The following CRISP3 variants were observed in gnomAD, a reference collection of about 807,000 sequenced individuals.
CRISP3 encodes the protein cysteine-rich secretory protein 3.
A neutral mutation model predicts 36.1 loss-of-function variants in CRISP3; 33 were observed. The ratio of observed to expected loss-of-function variants is 0.91; its 90% CI spans 0.69 to 1.22. The LOEUF is 1.22. Among genes scored for constraint, CRISP3 ranks in the 50% most tolerant of loss-of-function variants. The pLI is 0.00. For synonymous variants in CRISP3, 117 were observed against 104.6 expected (o/e 1.12, Z -0.72); for missense variants, 330 against 301.2 (o/e 1.10, Z -0.71).
At chr6:49,736,196 A>G (rs983366192) in intron 3 of CRISP3, among the ~76,000 whole-genome samples, 195 bp downstream of exon 3, 1 of 152,188 alleles carries the variant, frequency 6.6e-6, no homozygotes, top group Non-Finnish European at 1.5e-5. Context: ...AAATAGCCCT[A>G]TGAATTTGAC....
At chr6:49,736,247 C>G (rs1769047869) in intron 3 of CRISP3, 144 bp downstream of exon 3, 3 of 626,748 alleles carry the variant, frequency 4.8e-6, no homozygotes, top group Non-Finnish European at 2.8e-6. Flanking sequence ...AAATTCAGCT[C>G]TGCCCATTAC....
Position 49,728,717 on chromosome 6 carries a change from G to C in CRISP3, c.*13C>G. 6.2e-7 allele frequency: 1 copy of C among 1,607,180 alleles called. No individual in the cohort carries two copies. The highest frequency in any genetic ancestry group is 8.5e-7 in the Non-Finnish European group (1 of 1,176,748). ...TCCTCTCTACATAGCCCTACTCGGT[G>C]TGTAATGCGTATTTAATAAATGCTG... On this transcript the variant is annotated 3_prime_UTR_variant, in exon 8 of 8. Transcript: ENST00000263045.
chr6:49,731,320 TCA>T (rs1274301906), intron 6 of CRISP3, 69 bp from the exon 7 acceptor site: 24 of 868,916 alleles, frequency 2.8e-5, no homozygotes, highest in Non-Finnish European at 3.5e-5. Context: ...AAGGTTAGTA[TCA>T]GTCACCAAAT....
At chr6:49,736,566 T>C in intron 2 of CRISP3, 59 bp from the exon 3 acceptor site, 2 of 1,198,574 alleles carry the variant, frequency 1.7e-6, no homozygotes, top group Non-Finnish European at 1.2e-6. Flanking sequence ...CACATAATAG[T>C]AACTATGTTA....
At chr6:49,739,032 T>C (rs1265772592) in intron 1 of CRISP3, among the ~76,000 whole-genome samples, 2 of 151,916 alleles carry the variant, frequency 1.3e-5, no homozygotes, top group East Asian at 1.9e-4. Context: ...AAAAATGATG[T>C]TGCCAGAATG....
intron 5 of CRISP3, 96 bp from the exon 6 acceptor site, chr6:49,733,388 C>A: frequency 1.1e-6 from 1 of 877,948 alleles, no homozygotes; most frequent in Non-Finnish European, 1.8e-6. Context: ...AAGAATGTTA[C>A]CGACATATTT....
chr6:49,733,269 G>A lies in CRISP3; in HGVS notation c.486C>T (p.Leu162=), dbSNP rs370726738. 102 of 1,609,876 alleles carry A rather than the reference G, an allele frequency of 6.3e-5. 1 individual carries two copies. The East Asian group carries it at 1.1e-3, about 18-fold the overall frequency. Residue 162 remains leucine (L), a synonymous_variant, in exon 6 of 8, where the codon CTC becomes CTT. Coordinates refer to ENST00000263045, the MANE Select transcript of CRISP3 (RefSeq NM_006061.4). ...YTQVVWYSSY[L]VGCGNAYCPN... ...GACAGTAGGCATTTCCACATCCAACGAGGTATGAAGAGTACCAAACAACCT... is the reference window on the plus strand; with the variant it reads ...GACAGTAGGCATTTCCACATCCAACAAGGTATGAAGAGTACCAAACAACCT...
intron 6 of CRISP3, among the ~76,000 whole-genome samples, chr6:49,732,676 G>A (rs978742637): frequency 7.9e-5 from 12 of 151,994 alleles, no homozygotes; most frequent in African/African-American, 2.7e-4. Context: ...AATATATTGG[G>A]GATCTCTTAA....
chr6:49,729,255 C>T (rs1269608138), intron 7 of CRISP3, among the ~76,000 whole-genome samples: 1 of 152,060 alleles, frequency 6.6e-6, no homozygotes, highest in Non-Finnish European at 1.5e-5. Context: ...GGTCTTTCCT[C>T]AACAACACCA....
chr6:49,740,574 G>GGT (rs1769173204), intron 1 of CRISP3, among the ~76,000 whole-genome samples: 1 of 103,906 alleles, frequency 9.6e-6, no homozygotes, highest in East Asian at 2.9e-4. Context: ...TGTGTATATG[G>GGT]ATGTGTGTGT....
intron 6 of CRISP3, 124 bp from the exon 7 acceptor site, chr6:49,731,375 T>A (rs1307125108): frequency 2.1e-6 from 1 of 482,778 alleles, no homozygotes; most frequent in East Asian, 3.4e-5. Context: ...TGTCAAATAA[T>A]TAAAAATATA....
intron 5 of CRISP3, 144 bp downstream of exon 5, chr6:49,733,559 A>G: frequency 1.2e-6 from 1 of 805,486 alleles, no homozygotes; most frequent in South Asian, 2.0e-5. Flanking sequence ...GACAGTTCAC[A>G]GCTGAAATAC....
At chr6:49,730,641 T>C (rs764563597) in intron 7 of CRISP3, among the ~76,000 whole-genome samples, 8 of 152,228 alleles carry the variant, frequency 5.3e-5, no homozygotes, top group Non-Finnish European at 1.0e-4. Flanking sequence ...TATGCCAATA[T>C]GTAACATGGA....
In CRISP3 at chr6:49,731,267, A is replaced by T. The variant is rs527428789; in HGVS notation, c.561-16T>A. ...CCAATTACCACTGAAATTTGAAATA[A>T]AAATGTCAAATATTTTTCATTTTTA... is the stretch of plus-strand genomic sequence containing the variant. On this transcript the variant is annotated splice_polypyrimidine_tract_variant and intron_variant, in intron 6 of 7. Transcript: ENST00000263045. The T allele has an allele frequency of 6.5e-7, 1 of 1,528,956 alleles. No homozygotes were observed. The highest frequency in any genetic ancestry group is 9.0e-7 in the Non-Finnish European group (1 of 1,114,888). 94.7% of individuals were successfully genotyped at this position (1,528,956 alleles called of 1,614,324 possible).
At chr6:49,738,554 G>A (rs1028913658) in intron 1 of CRISP3, among the ~76,000 whole-genome samples, 1 of 152,096 alleles carries the variant, frequency 6.6e-6, no homozygotes, top group Non-Finnish European at 1.5e-5. Context: ...TTATTCACTG[G>A]TTCCTCCTGA....
At position 49,728,760 on chromosome 6, in the gene CRISP3, G is replaced by A. The variant is rs488132; in HGVS notation, c.747C>T (p.Ala249=). The change falls in exon 8 of 8, where the codon GCC becomes GCT. Residue 249 remains alanine, a synonymous_variant. Coordinates refer to ENST00000263045, the MANE Select transcript of CRISP3 (RefSeq NM_006061.4). ...KHQLVRDSCK[A]SCNCSNSIY is the part of the protein sequence containing the mutation. ...AAATGCTGTTTGAACAATTGCAGGA[G>A]GCCTTGCAACTGTCCCTGACCAACT... 6.2e-7 allele frequency: 1 copy of A among 1,610,440 alleles called. No individual in the cohort carries two copies. The highest frequency in any genetic ancestry group is 1.3e-5 in the African/African-American group (1 of 74,780).
At chr6:49,735,440 A>G in intron 4 of CRISP3, 64 bp downstream of exon 4, 2 of 1,297,460 alleles carry the variant, frequency 1.5e-6, no homozygotes, top group South Asian at 2.5e-5. Flanking sequence ...TTAATGCAAC[A>G]TCATAACATG....
At chr6:49,735,240 G>C (rs1769012187) in intron 4 of CRISP3, among the ~76,000 whole-genome samples, 1 of 152,096 alleles carries the variant, frequency 6.6e-6, no homozygotes, top group Admixed American at 6.6e-5. Flanking sequence ...AATTGGGAAA[G>C]AGATGATCTG....
Position 49,744,351 on chromosome 6 carries a change from T to C in CRISP3, c.17A>G (p.His6Arg). MKQIL[H>R]PALETTAMTL... ...CTTACCAGTGGTTTCCAGAGCAGGA[T>C]GAAGTATTTGTTTCATCTATTGACA... Residue 6 changes from histidine (H) to arginine (R), a missense_variant, in exon 1 of 8, where the codon CAT becomes CGT. His to Arg is a conservative substitution (Grantham distance 29). Coordinates refer to ENST00000263045, the MANE Select transcript of CRISP3 (RefSeq NM_006061.4). The C allele has an allele frequency of 6.5e-7, 1 of 1,533,352 alleles. No homozygotes were observed. Among genetic ancestry groups the C allele is most frequent in the Non-Finnish European group, 8.7e-7 (1 of 1,145,076 alleles). The allele number at this position is 1,533,352 out of a possible 1,614,324, so 95.0% of individuals were successfully genotyped here. A position where few individuals can be genotyped will look rare whatever the true frequency, so the allele number is the denominator to read the frequency against.
Sources: allele counts gnomAD v4.1 joint callset (sites outside exome capture counted in the v4.1 genomes callset), GRCh38; gene constraint gnomAD v4.1.1; transcripts MANE v1.5; gene names NCBI Gene and HGNC (gene_info 2026-07-23, HGNC 2026-07-21).